Variants in CAMK1D observed in about 807,000 individuals in gnomAD.
CAMK1D encodes calcium/calmodulin dependent protein kinase ID, also known as calcium/calmodulin-dependent protein kinase type 1D.
A neutral mutation model predicts 47.7 loss-of-function variants in CAMK1D; 9 were observed. The ratio of observed to expected loss-of-function variants is 0.19; its 90% CI spans 0.11 to 0.33. CAMK1D has a LOEUF of 0.33. CAMK1D is among the 10% of genes least tolerant of loss of function. CAMK1D has a pLI of 1.00. For missense variants in CAMK1D, 291 were observed against 488.7 expected (o/e 0.60, Z 3.81); for synonymous variants, 184 against 184.9 (o/e 0.99, Z 0.04).
intron 3 of CAMK1D, among the ~76,000 whole-genome samples, chr10:12,760,248 A>C (rs538753150): frequency 2.4e-4 from 37 of 152,378 alleles, no homozygotes; most frequent in Non-Finnish European, 4.1e-4. Flanking sequence ...TAAAAATGTT[A>C]AATGCAATCT....
At chr10:12,562,396 C>T (rs1226558082) in intron 2 of CAMK1D, among the ~76,000 whole-genome samples, 2 of 152,216 alleles carry the variant, frequency 1.3e-5, no homozygotes, top group African/African-American at 4.8e-5. Context: ...TGTTGGAGGA[C>T]ACGCTCAAAG....
rs531209819 is a variant in CAMK1D, at chr10:12,478,885, T to C, written c.93-74340T>C. On this transcript the variant is annotated intron_variant, in intron 1 of 10. Coordinates refer to ENST00000619168, the MANE Select transcript of CAMK1D (RefSeq NM_153498.4). ...GGTAAATCTGTTCTGCTGACATGAA[T>C]GATAATAATAGTCATCGCCACAGCG... 2.0e-3 allele frequency among the ~76,000 whole-genome samples: 300 copies of C among 152,338 alleles called. 1 individual carries two copies. The highest frequency in any genetic ancestry group is 6.9e-3 in the African/African-American group (287 of 41,574).
chr10:12,365,319 G>A (rs984150262), intron 1 of CAMK1D, among the ~76,000 whole-genome samples: 1 of 152,002 alleles, frequency 6.6e-6, no homozygotes, highest in Admixed American at 6.6e-5. Context: ...CTTACGTTAT[G>A]GACTTTTTAT....
chr10:12,620,589 G>A (rs1265291616), intron 2 of CAMK1D, among the ~76,000 whole-genome samples: 2 of 152,212 alleles, frequency 1.3e-5, no homozygotes, highest in African/African-American at 4.8e-5. Context: ...GTCGCTTCAT[G>A]TCTTTTGCTC....
intron 1 of CAMK1D, among the ~76,000 whole-genome samples, chr10:12,538,050 A>G (rs1564398646): frequency 6.6e-6 from 1 of 152,152 alleles, no homozygotes; most frequent in Non-Finnish European, 1.5e-5. Context: ...CTTGTGTTCC[A>G]TCTTTTCCTT....
chr10:12,591,345 A>C lies in CAMK1D; in HGVS notation c.224+37989A>C, dbSNP rs188576670. Reference sequence around the variant, plus strand: ...TTTTTGTCGTGACTTCCAACTTCGGACCAAACAGAGAAGGCCAAATATGCT... The same window carrying C: ...TTTTTGTCGTGACTTCCAACTTCGGCCCAAACAGAGAAGGCCAAATATGCT... On this transcript the variant is annotated intron_variant, in intron 2 of 10. Transcript: ENST00000619168. 4.2e-3 allele frequency among the ~76,000 whole-genome samples: 637 copies of C among 152,210 alleles called. 2 individuals carry two copies. The highest frequency in any genetic ancestry group is 7.0e-3 in the Non-Finnish European group (479 of 68,006).
At chr10:12,513,709 G>C (rs1186937551) in intron 1 of CAMK1D, among the ~76,000 whole-genome samples, 1 of 152,146 alleles carries the variant, frequency 6.6e-6, no homozygotes, top group African/African-American at 2.4e-5. Context: ...GCTGAGGTGG[G>C]AGGATCACTT....
intron 1 of CAMK1D, among the ~76,000 whole-genome samples, chr10:12,449,692 C>T (rs1833025940): frequency 6.6e-6 from 1 of 151,896 alleles, no homozygotes; most frequent in African/African-American, 2.4e-5. Flanking sequence ...GTCAGTCATA[C>T]CTCAGTAAAG....
chr10:12,778,796 C>A (rs903320584), intron 5 of CAMK1D, among the ~76,000 whole-genome samples: 3 of 152,096 alleles, frequency 2.0e-5, no homozygotes, highest in Non-Finnish European at 4.4e-5. Context: ...TCACCTGAGC[C>A]CAGGACTTTG....
chr10:12,828,687 G>T, intron 10 of CAMK1D, 82 bp from the exon 11 acceptor site: 1 of 979,192 alleles, frequency 1.0e-6, no homozygotes, highest in Non-Finnish European at 1.6e-6. Flanking sequence ...CATAAACCCA[G>T]CCCCTCTGAC....
chr10:12,829,026 A>G lies in CAMK1D; in HGVS notation c.*139A>G. On this transcript the variant is annotated 3_prime_UTR_variant, in exon 11 of 11. Coordinates refer to ENST00000619168, the MANE Select transcript of CAMK1D (RefSeq NM_153498.4). ...AGGACTGGAAGACCGAAGTTTTTTT[A>G]TGGCCATATTTTCTACTGCAATTCT... 5.0e-6 allele frequency: 3 copies of G among 601,532 alleles called. No individual in the cohort carries two copies. Among genetic ancestry groups the G allele is most frequent in the East Asian group, 5.8e-5 (2 of 34,540 alleles). The allele number at this position is 601,532 out of a possible 1,614,324, so 37.3% of individuals were successfully genotyped here.
intron 1 of CAMK1D, among the ~76,000 whole-genome samples, chr10:12,479,187 A>AT (rs981455344): frequency 2.7e-4 from 40 of 150,716 alleles, no homozygotes; most frequent in Admixed American, 3.3e-4. Context: ...GAGAAGCTGC[A>AT]TTTTTTTTTC....
intron 1 of CAMK1D, among the ~76,000 whole-genome samples, chr10:12,516,290 G>A (rs919063480): frequency 5.3e-5 from 8 of 152,188 alleles, no homozygotes; most frequent in Admixed American, 4.6e-4. Flanking sequence ...TGTATTTTTA[G>A]TAGAGACGGG....
chr10:12,406,474 G>C (rs1247652229), intron 1 of CAMK1D, among the ~76,000 whole-genome samples: 1 of 151,938 alleles, frequency 6.6e-6, no homozygotes, highest in Non-Finnish European at 1.5e-5. Context: ...ACTTTGGGAG[G>C]CTGAAGTGGA....
At chr10:12,381,314 C>A (rs1206885949) in intron 1 of CAMK1D, among the ~76,000 whole-genome samples, 1 of 150,498 alleles carries the variant, frequency 6.6e-6, no homozygotes, top group South Asian at 2.1e-4. Context: ...TAAAAAATGT[C>A]GGAAGGACTA....
intron 3 of CAMK1D, among the ~76,000 whole-genome samples, chr10:12,668,303 C>T (rs1208555085): frequency 6.6e-6 from 1 of 152,198 alleles, no homozygotes; most frequent in Non-Finnish European, 1.5e-5. Context: ...AAATGCCCCG[C>T]AAAATGTTAG....
chr10:12,632,072 G>A (rs10906188), intron 2 of CAMK1D, among the ~76,000 whole-genome samples: 40,124 of 152,136 alleles, frequency 0.26, 5,410 homozygotes, highest in South Asian at 0.39. Context: ...TGAAGGCCCC[G>A]TTGCTTTGGT....
intron 3 of CAMK1D, among the ~76,000 whole-genome samples, chr10:12,674,905 G>A (rs1433034590): frequency 5.3e-5 from 8 of 151,824 alleles, no homozygotes; most frequent in Non-Finnish European, 1.0e-4. Context: ...GATGGCAGGT[G>A]CCTGTAATCC....
At chr10:12,667,519 A>G (rs1200070373) in intron 3 of CAMK1D, among the ~76,000 whole-genome samples, 4 of 152,240 alleles carry the variant, frequency 2.6e-5, no homozygotes, top group Admixed American at 6.5e-5. Context: ...ACTCTAAGTG[A>G]TAAGATTCCT....
Sources: allele counts gnomAD v4.1 joint callset (sites outside exome capture counted in the v4.1 genomes callset), GRCh38; gene constraint gnomAD v4.1.1; transcripts MANE v1.5; gene names NCBI Gene and HGNC (gene_info 2026-07-23, HGNC 2026-07-21).